MGAT5B: variants seen among roughly 807,000 people sequenced by gnomAD.
The protein encoded by MGAT5B is N-acetylglucosaminyl-transferase Vb.
A neutral mutation model predicts 95.1 loss-of-function variants in MGAT5B; 54 were observed. That is an observed-to-expected ratio of 0.57 (90% CI 0.46 to 0.71). The LOEUF is 0.71. MGAT5B is among the 30% of genes least tolerant of loss of function. The pLI is 0.00. For synonymous variants in MGAT5B, 464 were observed against 451.0 expected, an observed-to-expected ratio of 1.03 and a Z score of -0.36; for missense variants, 935 against 1,088.6, an observed-to-expected ratio of 0.86 and a Z score of 1.99.
intron 3 of MGAT5B, among the ~76,000 whole-genome samples, chr17:76,899,785 C>T (rs1968238576): frequency 6.6e-6 from 1 of 151,872 alleles, no homozygotes; most frequent in African/African-American, 2.4e-5. Flanking sequence ...GACATCAAAT[C>T]GGCATGTTTC....
chr17:76,926,671 G>A lies in MGAT5B; in HGVS notation c.1232G>A (p.Gly411Asp). 6.2e-7 allele frequency: 1 copy of A among 1,612,758 alleles called. No individual in the cohort carries two copies. Among genetic ancestry groups the A allele is most frequent in the South Asian group, 1.1e-5 (1 of 91,088 alleles). The change falls in exon 10 of 18, where the codon GGC becomes GAC. Residue 411 changes from glycine (G) to aspartate (D), a missense_variant. Physicochemically the swap from Gly to Asp is moderately conservative, Grantham distance 94. Coordinates refer to ENST00000569840, the MANE Select transcript of MGAT5B (RefSeq NM_001199172.2). ...CACGAGGAGTACGCCACGCTGCACG[G>A]CTACCGGACCAACTGGGGCTACTGG... The part of the protein sequence containing the change: ...YNHEEYATLH[G>D]YRTNWGYWNL...
chr17:76,939,029 G>GGGGGGGGTGTGT (rs1237086611), intron 13 of MGAT5B, among the ~76,000 whole-genome samples: 3 of 128,258 alleles, frequency 2.3e-5, no homozygotes, highest in African/African-American at 6.2e-5. Context: ...GCATCTTGGG[G>GGGGGGGGTGTGT]GTGTGTGTGT....
At chr17:76,894,014 G>T (rs1209023077) in intron 3 of MGAT5B, among the ~76,000 whole-genome samples, 1 of 152,200 alleles carries the variant, frequency 6.6e-6, no homozygotes, top group African/African-American at 2.4e-5. Flanking sequence ...CGTGTCTCAG[G>T]GCAGCTTTTT....
Position 76,932,748 on chromosome 17 carries a change from GT to G in MGAT5B, c.1396del (p.Tyr466ThrfsTer20). 6.2e-7 allele frequency: 1 copy of G among 1,613,832 alleles called. No individual in the cohort carries two copies. Among genetic ancestry groups the G allele is most frequent in the Admixed American group, 1.7e-5 (1 of 60,010 alleles). On this transcript the variant is annotated frameshift_variant, in exon 11 of 18. Transcript: ENST00000569840. LOFTEE classifies it high-confidence loss of function. ...GGKASNMAVV[Y>X]GKEASIWKLQ... The stretch of plus-strand genomic sequence containing the variant: ...GCAAGGCCAGCAACATGGCCGTGGT[GT>G]ACGGCAAGGAGGCGAGCATCTGGAA...
In MGAT5B at chr17:76,948,825, A is replaced by G. The variant is rs1211012444; in HGVS notation, c.2366A>G (p.Gln789Arg). 2 of 1,600,072 alleles carry G rather than the reference A, an allele frequency of 1.2e-6. No individual in the cohort carries two copies. Among genetic ancestry groups the G allele is most frequent in the South Asian group, 1.1e-5 (1 of 88,974 alleles). Residue 789 changes from glutamine to arginine, a missense_variant, in exon 18 of 18, where the codon CAG becomes CGG. By Grantham distance (43) the Gln-to-Arg change is conservative (BLOSUM62 1). Coordinates refer to ENST00000569840, the MANE Select transcript of MGAT5B (RefSeq NM_001199172.2). Reference sequence around the variant, plus strand: ...CGCAAGGGCCAGGTGGCCTTGTGCCAGGGCTGTCTGTGAATCCGCCTCTGC... The same window carrying G: ...CGCAAGGGCCAGGTGGCCTTGTGCCGGGGCTGTCTGTGAATCCGCCTCTGC... ...DFRKGQVALC[Q>R]GCL is the part of the protein sequence containing the mutation.
intron 3 of MGAT5B, among the ~76,000 whole-genome samples, chr17:76,883,218 T>C (rs924175058): frequency 5.9e-5 from 9 of 152,038 alleles, no homozygotes; most frequent in Non-Finnish European, 2.9e-5. Flanking sequence ...CAGGCTGGTC[T>C]CGAACTCCTG....
Position 76,875,056 on chromosome 17 carries a change from C to T in MGAT5B, c.181+2093C>T, listed in dbSNP as rs1189916214. On this transcript the variant is annotated intron_variant, in intron 2 of 17. Transcript: ENST00000569840. Reference sequence around the variant, plus strand: ...TAACAACCCAGAGCAAGGACCAGAACGTGATCAGTCCCCAAGTGTCCCCAT... The same window carrying T: ...TAACAACCCAGAGCAAGGACCAGAATGTGATCAGTCCCCAAGTGTCCCCAT... 3.3e-5 allele frequency among the ~76,000 whole-genome samples: 5 copies of T among 152,188 alleles called. 1 individual carries two copies. Among genetic ancestry groups the T allele is most frequent in the Non-Finnish European group, 5.9e-5 (4 of 68,042 alleles).
At chr17:76,879,879 C>T (rs1170051938) in intron 2 of MGAT5B, among the ~76,000 whole-genome samples, 1 of 152,198 alleles carries the variant, frequency 6.6e-6, no homozygotes, top group East Asian at 1.9e-4. Context: ...AGGACTACTC[C>T]AGCCCAAGTT....
chr17:76,877,139 A>G (rs1967221308), intron 2 of MGAT5B, among the ~76,000 whole-genome samples: 1 of 152,072 alleles, frequency 6.6e-6, no homozygotes, highest in Non-Finnish European at 1.5e-5. Flanking sequence ...CAGCCTGGCC[A>G]GCGTGGTGAA....
chr17:76,924,647 G>C lies in MGAT5B; in HGVS notation c.1026-319G>C, dbSNP rs139965201. 1.6e-3 allele frequency among the ~76,000 whole-genome samples: 239 copies of C among 152,268 alleles called. 2 individuals are homozygous for C. The highest frequency in any genetic ancestry group is 5.3e-3 in the African/African-American group (222 of 41,552). On this transcript the variant is annotated intron_variant, in intron 8 of 17. Transcript: ENST00000569840. ...TGGGATTTGTGAAAGTTAGAGAAAGGCTCCCTCTCTGGGTAGCCACAGCCC... is the reference window on the plus strand; with the variant it reads ...TGGGATTTGTGAAAGTTAGAGAAAGCCTCCCTCTCTGGGTAGCCACAGCCC...
chr17:76,947,974 CG>C lies in MGAT5B; in HGVS notation c.2071del (p.Ala691ProfsTer19), dbSNP rs1231247972. 3 of 1,611,856 alleles carry C rather than the reference CG, an allele frequency of 1.9e-6. No individual in the cohort carries two copies. The Admixed American group carries it at 5.0e-5, about 27-fold the overall frequency. ...PGAWPPAHALRAWLAVPGRAC... is the reference protein window; with the variant it reads ...PGAWPPAHALXAWLAVPGRAC... ...GGCCTGGCCCCCCGCGCACGCCCTG[CG>C]GGCCTGGCTGGCCGTGCCTGGGAGG... On this transcript the variant is annotated frameshift_variant, in exon 17 of 18. Coordinates refer to ENST00000569840, the MANE Select transcript of MGAT5B (RefSeq NM_001199172.2). LOFTEE classifies it high-confidence loss of function.
intron 15 of MGAT5B, among the ~76,000 whole-genome samples, chr17:76,943,469 C>A (rs1969929898): frequency 6.6e-6 from 1 of 152,164 alleles, no homozygotes; most frequent in Non-Finnish European, 1.5e-5. Flanking sequence ...AAATGCAGAT[C>A]CTCGAGCCTA....
At chr17:76,897,201 A>G (rs1252109567) in intron 3 of MGAT5B, among the ~76,000 whole-genome samples, 1 of 152,034 alleles carries the variant, frequency 6.6e-6, no homozygotes, top group African/African-American at 2.4e-5. Flanking sequence ...ACAGGCGTGA[A>G]CCTCTGGGCC....
Position 76,946,608 on chromosome 17 carries a change from G to A in MGAT5B, c.1923+158G>A, listed in dbSNP as rs533784212. On this transcript the variant is annotated intron_variant, in intron 16 of 17. Transcript: ENST00000569840. Reference sequence around the variant, plus strand: ...AGTCTCTTCCCAGAGTTCCCTCAGGGCTGGAGACAGGCAGGCCTGACTGCG... The same window carrying A: ...AGTCTCTTCCCAGAGTTCCCTCAGGACTGGAGACAGGCAGGCCTGACTGCG... 3.3e-5 allele frequency among the ~76,000 whole-genome samples: 5 copies of A among 152,314 alleles called. No homozygotes were observed. The East Asian group carries it at 9.7e-4, about 29-fold the overall frequency.
At position 76,949,098 on chromosome 17, in the gene MGAT5B, C is replaced by T. The variant is rs762448114; in HGVS notation, c.*260C>T. 3.1e-5 allele frequency: 17 copies of T among 544,896 alleles called. No individual in the cohort carries two copies. Among genetic ancestry groups the T allele is most frequent in the South Asian group, 4.5e-5 (2 of 44,782 alleles). 33.8% of individuals were successfully genotyped at this position (544,896 alleles called of 1,614,324 possible). ...AGAAGCATCGTGGCCAAGCAGGTGT[C>T]GGACTGCTCAGAGTCCGCATGGCCC... is the stretch of plus-strand genomic sequence containing the variant. On this transcript the variant is annotated 3_prime_UTR_variant, in exon 18 of 18. Coordinates refer to ENST00000569840, the MANE Select transcript of MGAT5B (RefSeq NM_001199172.2).
chr17:76,896,483 C>A (rs1968068690), intron 3 of MGAT5B, among the ~76,000 whole-genome samples: 1 of 152,170 alleles, frequency 6.6e-6, no homozygotes, highest in African/African-American at 2.4e-5. Context: ...ATGATGCTTC[C>A]TCTCAGGAAT....
intron 8 of MGAT5B, among the ~76,000 whole-genome samples, chr17:76,922,651 G>C (rs1158503863): frequency 6.6e-6 from 1 of 152,180 alleles, no homozygotes; most frequent in African/African-American, 2.4e-5. Flanking sequence ...CTTCTCCTTT[G>C]TTTTCTGGGT....
intron 15 of MGAT5B, among the ~76,000 whole-genome samples, chr17:76,943,008 G>A (rs527750596): frequency 5.3e-5 from 8 of 150,952 alleles, no homozygotes; most frequent in African/African-American, 1.2e-4. Context: ...CTAAAAGAGC[G>A]AGACACTCCA....
chr17:76,902,523 T>C, intron 3 of MGAT5B, 32 bp from the exon 4 acceptor site: 1 of 1,524,080 alleles, frequency 6.6e-7, no homozygotes, highest in South Asian at 1.2e-5. Context: ...CCCGGCCGGT[T>C]CTGTGGCTCA....
Sources: gnomAD v4.1 joint callset for allele counts (sites outside exome capture counted in the v4.1 genomes callset) on GRCh38, gnomAD v4.1.1 for gene constraint, MANE v1.5 for transcripts, NCBI Gene and HGNC (gene_info 2026-07-23, HGNC 2026-07-21) for gene names.